Variants in FAM110B observed in about 807,000 individuals in gnomAD.
FAM110B encodes protein FAM110B.
FAM110B carries 6 observed loss-of-function variants against 20.4 expected under a neutral mutation model. That is an observed-to-expected ratio of 0.29 (90% CI 0.16 to 0.58). The LOEUF (loss-of-function observed/expected upper bound fraction) is 0.58, where lower values mean the gene tolerates loss of function less well. Ranked by LOEUF, FAM110B falls within the 20% of genes least tolerant of loss-of-function variation. The pLI, the probability that FAM110B is intolerant of heterozygous loss-of-function variation, is 0.90. For synonymous variants in FAM110B, 226 were observed against 214.1 expected (o/e 1.06, Z -0.49); for missense variants, 434 against 498.2 (o/e 0.87, Z 1.23).
intron 3 of FAM110B, among the ~76,000 whole-genome samples, chr8:58,108,883 A>G (rs1282877051): frequency 2.0e-5 from 3 of 151,994 alleles, no homozygotes; most frequent in African/African-American, 7.3e-5. Context: ...TTTATTCTCA[A>G]CCATGGTTCC....
At chr8:58,128,976 AAAC>A (rs1049018989) in intron 3 of FAM110B, among the ~76,000 whole-genome samples, 6 of 152,172 alleles carry the variant, frequency 3.9e-5, no homozygotes, top group Non-Finnish European at 8.8e-5. Context: ...GTATCCTTGT[AAAC>A]ACAGGAAAGC....
At chr8:58,046,485 G>A (rs1211803658) in intron 2 of FAM110B, among the ~76,000 whole-genome samples, 1 of 152,136 alleles carries the variant, frequency 6.6e-6, no homozygotes, top group African/African-American at 2.4e-5. Flanking sequence ...TCCAGGTATT[G>A]TGTTCTTTCT....
intron 2 of FAM110B, among the ~76,000 whole-genome samples, chr8:58,036,813 C>T (rs1805082399): frequency 6.6e-6 from 1 of 152,106 alleles, no homozygotes; most frequent in Non-Finnish European, 1.5e-5. Context: ...AAGAGCAAAC[C>T]CCTTAAGCAT....
At chr8:58,144,196 C>T (rs1415151664) in intron 3 of FAM110B, among the ~76,000 whole-genome samples, 1 of 152,104 alleles carries the variant, frequency 6.6e-6, no homozygotes, top group African/African-American at 2.4e-5. Flanking sequence ...TGGTATTGTC[C>T]TGGGGTCAGC....
Position 58,146,447 on chromosome 8 carries a change from G to A in FAM110B, c.217G>A (p.Glu73Lys). The stretch of plus-strand genomic sequence containing the variant: ...CCAGGAGGTGATCAACGCCAAGCAG[G>A]AGCCCGTGAAGCCCGCCGTGCTGGC... ...KSQEVINAKQEPVKPAVLAKP... is the reference protein window; with the variant it reads ...KSQEVINAKQKPVKPAVLAKP... The change falls in exon 4 of 4, where the codon GAG becomes AAG. Residue 73 changes from glutamate (E) to lysine (K), a missense_variant. Physicochemically the swap from Glu to Lys is moderately conservative, Grantham distance 56. Around this residue, in one of 3 missense-constraint regions of FAM110B, gnomAD observed 284 missense variants for 278.3 expected, o/e 1.02. Transcript: ENST00000519262. 6 of 1,613,634 alleles carry A rather than the reference G, an allele frequency of 3.7e-6. No homozygotes were observed. The highest frequency in any genetic ancestry group is 5.1e-6 in the Non-Finnish European group (6 of 1,179,712).
chr8:57,995,685 G>T (rs981760586), intron 1 of FAM110B, among the ~76,000 whole-genome samples: 9 of 152,188 alleles, frequency 5.9e-5, no homozygotes, highest in African/African-American at 2.2e-4. Context: ...AATTACTCTG[G>T]AAAGTGGAAA....
intron 2 of FAM110B, among the ~76,000 whole-genome samples, chr8:58,035,606 G>C (rs566954083): frequency 2.6e-5 from 4 of 152,156 alleles, no homozygotes; most frequent in African/African-American, 9.7e-5. Context: ...CCCAGGCCTG[G>C]CATTAAGCAT....
intron 1 of FAM110B, among the ~76,000 whole-genome samples, chr8:58,012,445 GT>G (rs1323159693): frequency 2.0e-5 from 3 of 151,826 alleles, no homozygotes; most frequent in South Asian, 4.2e-4. Flanking sequence ...AGTGGGCAAT[GT>G]TTTAATCTTT....
chr8:58,051,656 C>G (rs546716993), intron 2 of FAM110B, among the ~76,000 whole-genome samples: 47 of 152,226 alleles, frequency 3.1e-4, no homozygotes, highest in African/African-American at 1.0e-3. Flanking sequence ...AAATATATAA[C>G]ATATTTGGCA....
intron 2 of FAM110B, among the ~76,000 whole-genome samples, chr8:58,063,516 C>A (rs1284999132): frequency 2.6e-5 from 4 of 152,108 alleles, no homozygotes; most frequent in Non-Finnish European, 5.9e-5. Flanking sequence ...CAGATTTTTT[C>A]AGATTTTGTA....
intron 2 of FAM110B, among the ~76,000 whole-genome samples, chr8:58,057,893 G>A (rs1339745954): frequency 2.0e-5 from 3 of 152,220 alleles, no homozygotes; most frequent in Non-Finnish European, 4.4e-5. Context: ...TGATTCACCT[G>A]GTGCTTGTGT....
intron 3 of FAM110B, among the ~76,000 whole-genome samples, chr8:58,129,929 A>T (rs1239371238): frequency 6.6e-6 from 1 of 151,942 alleles, no homozygotes; most frequent in Non-Finnish European, 1.5e-5. Flanking sequence ...TGATTTTTTT[A>T]ATGCTTAAAT....
intron 3 of FAM110B, among the ~76,000 whole-genome samples, chr8:58,089,095 A>G (rs902073665): frequency 1.3e-5 from 2 of 152,228 alleles, no homozygotes; most frequent in South Asian, 2.1e-4. Flanking sequence ...TTTATTTCAC[A>G]TCAACTCTAT....
At chr8:58,049,396 G>A (rs903976153) in intron 2 of FAM110B, among the ~76,000 whole-genome samples, 1 of 151,930 alleles carries the variant, frequency 6.6e-6, no homozygotes, top group Non-Finnish European at 1.5e-5. Context: ...TTCTTGAAAA[G>A]CTAGTCTTTT....
intron 2 of FAM110B, among the ~76,000 whole-genome samples, chr8:58,038,704 A>G (rs1465212242): frequency 6.6e-6 from 1 of 151,890 alleles, no homozygotes; most frequent in Admixed American, 6.6e-5. Context: ...GTGAGCCAAA[A>G]TCGCATCACT....
intron 3 of FAM110B, among the ~76,000 whole-genome samples, chr8:58,099,624 ACT>A (rs1436978284): frequency 1.3e-5 from 2 of 152,056 alleles, no homozygotes; most frequent in African/African-American, 4.8e-5. Context: ...CAGATTTAGT[ACT>A]CTCATATAGC....
chr8:58,120,741 A>C (rs16923074), intron 3 of FAM110B, among the ~76,000 whole-genome samples: 9,154 of 152,238 alleles, frequency 0.06, 435 homozygotes, highest in African/African-American at 0.13. Context: ...TTTAAAGTAC[A>C]TGCCTCTGGG....
chr8:58,130,905 A>G (rs1190135309), intron 3 of FAM110B, among the ~76,000 whole-genome samples: 1 of 152,198 alleles, frequency 6.6e-6, no homozygotes, highest in East Asian at 1.9e-4. Flanking sequence ...CTCCATGACC[A>G]TGAGGCCGTT....
chr8:58,061,670 C>T (rs188889998), intron 2 of FAM110B, among the ~76,000 whole-genome samples: 7 of 152,314 alleles, frequency 4.6e-5, no homozygotes, highest in Non-Finnish European at 8.8e-5. Context: ...GTCCTTCACA[C>T]CACTTCCAGT....
Sources: gnomAD v4.1 joint callset for allele counts (sites outside exome capture counted in the v4.1 genomes callset) on GRCh38, gnomAD v4.1.1 for gene constraint, gnomAD v4.1.1 regional missense constraint, MANE v1.5 for transcripts, NCBI Gene and HGNC (gene_info 2026-07-23, HGNC 2026-07-21) for gene names.